The following ZNF221 variants were observed in gnomAD, a reference collection of about 807,000 sequenced individuals.
ZNF221 encodes the protein zinc finger protein 221.
ZNF221 carries 10 observed loss-of-function variants against 12.6 expected under a neutral mutation model. That is an observed-to-expected ratio of 0.79 (90% confidence interval 0.49 to 1.34). The LOEUF is 1.34. ZNF221 is among the 40% of genes most tolerant of loss of function. The pLI is 0.00. For synonymous variants in ZNF221, 232 were observed against 244.0 expected (o/e 0.95, Z 0.46); for missense variants, 661 against 721.4 (o/e 0.92, Z 0.96).
At chr19:43,961,145 A>G (rs555543730) in intron 1 of ZNF221, among the ~76,000 whole-genome samples, 38 of 152,288 alleles carry the variant, frequency 2.5e-4, no homozygotes, top group African/African-American at 9.1e-4. Flanking sequence ...CAGTAGCACA[A>G]TCCTAACTTG....
In ZNF221 at chr19:43,966,219, A is replaced by C; in HGVS notation, c.717A>C (p.Ser239=). 1 of 1,614,230 alleles carries C rather than the reference A, an allele frequency of 6.2e-7. No homozygotes were observed. The highest frequency in any genetic ancestry group is 8.5e-7 in the Non-Finnish European group (1 of 1,180,026). The stretch of plus-strand genomic sequence containing the variant: ...GTGGTAAGGAATTTAATCAGAGCTC[A>C]CATCTGCAAACTCATCAGAGAGTCC... ...DVCGKEFNQS[S]HLQTHQRVHT... is the part of the protein sequence containing the mutation. Residue 239 remains serine (S), a synonymous_variant, in exon 5 of 5, where the codon TCA becomes TCC. Coordinates refer to ENST00000587682, the MANE Select transcript of ZNF221 (RefSeq NM_001297588.2).
At position 43,966,290 on chromosome 19, in the gene ZNF221, T is replaced by A. The variant is rs1599819783; in HGVS notation, c.788T>A (p.Phe263Tyr). 1 of 1,613,336 alleles carries A rather than the reference T, an allele frequency of 6.2e-7. No individual in the cohort carries two copies. The highest frequency in any genetic ancestry group is 2.2e-5 in the East Asian group (1 of 44,862). ...AAATGTGGGCAATGTGGGAAAGGCT[T>A]CCATAGTAGATCAGCACTTAATGTT... ...PFKCGQCGKG[F>Y]HSRSALNVHC... is the part of the protein sequence containing the mutation. Residue 263 changes from phenylalanine (F) to tyrosine (Y), a missense_variant, in exon 5 of 5, where the codon TTC (phenylalanine) becomes TAC (tyrosine). Phe to Tyr is a conservative substitution (Grantham distance 22). Coordinates refer to ENST00000587682, the MANE Select transcript of ZNF221 (RefSeq NM_001297588.2).
intron 1 of ZNF221, among the ~76,000 whole-genome samples, chr19:43,954,686 C>T (rs1006434588): frequency 6.6e-6 from 1 of 152,110 alleles, no homozygotes; most frequent in Non-Finnish European, 1.5e-5. Context: ...TGGTTTCTTG[C>T]TTAGGAATCA....
intron 1 of ZNF221, among the ~76,000 whole-genome samples, chr19:43,952,571 A>G (rs1974692249): frequency 6.6e-6 from 1 of 152,220 alleles, no homozygotes; most frequent in South Asian, 2.1e-4. Flanking sequence ...AGTGAAACAA[A>G]GGGAGCAGGA....
the ZNF221 span, among the ~76,000 whole-genome samples, chr19:43,973,811 G>A: frequency 6.6e-6 from 1 of 152,034 alleles, no homozygotes; most frequent in East Asian, 1.9e-4. Flanking sequence ...TTGTGAAATG[G>A]CCATACTGCC....
chr19:43,975,873 G>A, the ZNF221 span, among the ~76,000 whole-genome samples: 3 of 151,862 alleles, frequency 2.0e-5, no homozygotes, highest in Admixed American at 6.6e-5. Context: ...TTCTCAAGTC[G>A]GATTCTTATT....
chr19:43,973,863 C>T, the ZNF221 span, among the ~76,000 whole-genome samples: 5 of 152,054 alleles, frequency 3.3e-5, no homozygotes, highest in South Asian at 2.1e-4. Flanking sequence ...ATTAAACTAC[C>T]GTTGACATTC....
chr19:43,970,968 A>G (rs1975085422), downstream of ZNF221, among the ~76,000 whole-genome samples: 1 of 152,208 alleles, frequency 6.6e-6, no homozygotes. Context: ...TAATCATCAG[A>G]TTCTCCAAGG....
the ZNF221 span, chr19:43,978,651 T>TATTGAATAC: frequency 6.6e-6 from 1 of 152,174 alleles, no homozygotes. Context: ...TAAAACTGAA[T>TATTGAATAC]ATTGAATACC....
At chr19:43,958,911 A>G (rs1974800768) in intron 1 of ZNF221, among the ~76,000 whole-genome samples, 1 of 152,198 alleles carries the variant, frequency 6.6e-6, no homozygotes, top group Admixed American at 6.5e-5. Flanking sequence ...TTAAGAGGTC[A>G]AGCTCAGTGA....
chr19:43,970,969 T>C (rs1975085483), downstream of ZNF221, among the ~76,000 whole-genome samples: 1 of 152,040 alleles, frequency 6.6e-6, no homozygotes, highest in Non-Finnish European at 1.5e-5. Flanking sequence ...AATCATCAGA[T>C]TCTCCAAGGT....
chr19:43,972,676 T>TAAAA (rs1011652807), downstream of ZNF221, among the ~76,000 whole-genome samples: 42 of 142,482 alleles, frequency 2.9e-4, no homozygotes, highest in African/African-American at 1.1e-3. Flanking sequence ...TCTGGAAACA[T>TAAAA]ACACCCTCCT....
At position 43,962,794 on chromosome 19, in the gene ZNF221, T is replaced by C. The variant is rs1242661267; in HGVS notation, c.68T>C (p.Met23Thr). Residue 23 changes from methionine (M) to threonine (T), a missense_variant, in exon 2 of 5, where the codon ATG becomes ACG. Met to Thr is a moderately conservative substitution (Grantham distance 81). Coordinates refer to ENST00000587682, the MANE Select transcript of ZNF221 (RefSeq NM_001297588.2). ...AAATTCCCTGAAGTAGAAGGAAAAA[T>C]GACCACATTCAAAGTGAGTAGGGCT... ...LCKFPEVEGK[M>T]TTFKEAVTFK... The C allele has an allele frequency of 1.9e-6, 3 of 1,613,710 alleles. No individual in the cohort carries two copies. Among genetic ancestry groups the C allele is most frequent in the African/African-American group, 2.7e-5 (2 of 74,890 alleles).
At chr19:43,973,864 G>A in the ZNF221 span, among the ~76,000 whole-genome samples, 16 of 151,978 alleles carry the variant, frequency 1.1e-4, no homozygotes, top group East Asian at 5.8e-4. Flanking sequence ...TTAAACTACC[G>A]TTGACATTCT....
the ZNF221 span, among the ~76,000 whole-genome samples, chr19:43,975,317 C>G: frequency 6.6e-6 from 1 of 152,132 alleles, no homozygotes; most frequent in African/African-American, 2.4e-5. Flanking sequence ...CAATGATAGA[C>G]TGGATAAAGA....
At chr19:43,964,651 T>A (rs1974905692) in intron 2 of ZNF221, among the ~76,000 whole-genome samples, 1 of 152,166 alleles carries the variant, frequency 6.6e-6, no homozygotes, top group African/African-American at 2.4e-5. Flanking sequence ...CCTAAATACC[T>A]GTAGCCCAGG....
the ZNF221 span, among the ~76,000 whole-genome samples, chr19:43,973,206 T>G: frequency 6.6e-6 from 1 of 152,190 alleles, no homozygotes; most frequent in Non-Finnish European, 1.5e-5. Context: ...CATCCCTTCA[T>G]GCTAAAAGCT....
At chr19:43,956,303 G>A (rs446072) in intron 1 of ZNF221, among the ~76,000 whole-genome samples, 148,075 of 152,316 alleles carry the variant, frequency 0.97, 72,105 homozygotes, top group East Asian at 1. Context: ...CTTCTGTTTT[G>A]TAATGCTAGT....
chr19:43,965,447 G>A (rs768337987), intron 4 of ZNF221, 122 bp downstream of exon 4: 1 of 769,296 alleles, frequency 1.3e-6, no homozygotes, highest in Non-Finnish European at 2.0e-6. Flanking sequence ...TATTGCAACT[G>A]CCTTCCTTCT....
Sources: gnomAD v4.1 joint callset for allele counts (sites outside exome capture counted in the v4.1 genomes callset) on GRCh38, gnomAD v4.1.1 for gene constraint, MANE v1.5 for transcripts, NCBI Gene and HGNC (gene_info 2026-07-23, HGNC 2026-07-21) for gene names.